The following CDC42SE2 variants were observed in gnomAD, a reference collection of about 807,000 sequenced individuals.
The protein encoded by CDC42SE2 is CDC42 small effector 2.
CDC42SE2 carries 3 observed loss-of-function variants against 11.5 expected under a neutral mutation model. The observed-to-expected ratio is 0.26, with a 90% CI of 0.12 to 0.67. The LOEUF is 0.67. CDC42SE2 is among the 30% of genes least tolerant of loss of function. CDC42SE2 has a pLI of 0.80. For missense variants in CDC42SE2, 82 were observed against 106.8 expected, an observed-to-expected ratio of 0.77 and a Z score of 1.02; for synonymous variants, 33 against 34.8, an observed-to-expected ratio of 0.95 and a Z score of 0.18.
intron 3 of CDC42SE2, among the ~76,000 whole-genome samples, chr5:131,381,358 T>G: frequency 6.6e-6 from 1 of 151,972 alleles, no homozygotes; most frequent in East Asian, 1.9e-4. Context: ...AGTCTCGCTC[T>G]TGTCCCCCAG....
At position 131,329,046 on chromosome 5, in the gene CDC42SE2, A is replaced by C. The variant is rs563703128; in HGVS notation, c.-286+12902A>C. On this transcript the variant is annotated intron_variant, in intron 2 of 4. Coordinates refer to ENST00000505065, the MANE Select transcript of CDC42SE2 (RefSeq NM_001375635.1). ...GGCACAGAGAGGGGCGGGAAGAGTG[A>C]ATGCCAAGAGGATGGCTTATTAGTC... Among the ~76,000 whole-genome samples the C allele has an allele frequency of 1.1e-3, 161 of 152,312 alleles. 3 individuals are homozygous for C. In the South Asian group the frequency reaches 0.033, roughly 31 times the overall value.
intron 4 of CDC42SE2, among the ~76,000 whole-genome samples, chr5:131,389,421 C>A (rs1750585301): frequency 6.6e-6 from 1 of 152,120 alleles, no homozygotes; most frequent in African/African-American, 2.4e-5. Context: ...TATAGCAATA[C>A]CTTATAATGT....
At chr5:131,262,936 A>G (rs910233216), upstream of CDC42SE2, among the ~76,000 whole-genome samples, 1 of 145,670 alleles carries the variant, frequency 6.9e-6, no homozygotes, top group Non-Finnish European at 1.5e-5. Context: ...GAAAAATAGT[A>G]AGGTAGGAAA....
intron 1 of CDC42SE2, among the ~76,000 whole-genome samples, chr5:131,248,687 A>G (rs1406644659): frequency 6.6e-6 from 1 of 152,234 alleles, no homozygotes; most frequent in Non-Finnish European, 1.5e-5. Context: ...GAAAACATAA[A>G]GAGAATAAAC....
chr5:131,383,532 CTA>C (rs1294706339), intron 3 of CDC42SE2, among the ~76,000 whole-genome samples: 1 of 151,998 alleles, frequency 6.6e-6, no homozygotes, highest in Non-Finnish European at 1.5e-5. Flanking sequence ...GAGTGAAAAA[CTA>C]TAATAATACA....
chr5:131,229,504 C>G, the CDC42SE2 span, among the ~76,000 whole-genome samples: 1 of 152,114 alleles, frequency 6.6e-6, no homozygotes, highest in African/African-American at 2.4e-5. Context: ...ATTCTCCCGC[C>G]TCAGCCTCCC....
At chr5:131,299,770 C>T (rs1171787574) in intron 1 of CDC42SE2, among the ~76,000 whole-genome samples, 2 of 152,100 alleles carry the variant, frequency 1.3e-5, no homozygotes, top group Non-Finnish European at 2.9e-5. Context: ...TTGAAATAAC[C>T]TAGGGGAGCA....
At chr5:131,219,462 C>G in the CDC42SE2 span, among the ~76,000 whole-genome samples, 1 of 152,194 alleles carries the variant, frequency 6.6e-6, no homozygotes, top group East Asian at 1.9e-4. Flanking sequence ...CCTTTAAACT[C>G]AAAATAAAGT....
chr5:131,354,684 C>G (rs1004735501), intron 2 of CDC42SE2: 1 of 151,964 alleles, frequency 6.6e-6, no homozygotes, highest in South Asian at 2.1e-4. Context: ...AAGTTTGCAG[C>G]AAATTACCTG....
intron 3 of CDC42SE2, among the ~76,000 whole-genome samples, chr5:131,369,116 C>T (rs1749943136): frequency 6.6e-6 from 1 of 152,048 alleles, no homozygotes. Context: ...ACGATTTTAC[C>T]ATCTATGTAT....
intron 3 of CDC42SE2, among the ~76,000 whole-genome samples, chr5:131,383,191 T>G (rs1201592712): frequency 6.6e-6 from 1 of 152,126 alleles, no homozygotes; most frequent in Non-Finnish European, 1.5e-5. Context: ...AAGTCTGCCA[T>G]TAGGGGCAGG....
chr5:131,273,961 A>G (rs1378877308), intron 1 of CDC42SE2, among the ~76,000 whole-genome samples: 2 of 151,940 alleles, frequency 1.3e-5, no homozygotes, highest in African/African-American at 2.4e-5. Flanking sequence ...GTATTTTTAT[A>G]GAGATGGGTT....
Position 131,391,120 on chromosome 5 carries a change from G to C in CDC42SE2, c.*29G>C. 6.4e-7 allele frequency: 1 copy of C among 1,552,020 alleles called. No individual in the cohort carries two copies. The highest frequency in any genetic ancestry group is 8.9e-7 in the Non-Finnish European group (1 of 1,125,436). ...TGGTCCTTTCTCCAGTGAGTACTCAGAGCTGGGGTCTGGACCTGACGGCCA... is the reference window on the plus strand; with the variant it reads ...TGGTCCTTTCTCCAGTGAGTACTCACAGCTGGGGTCTGGACCTGACGGCCA... On this transcript the variant is annotated 3_prime_UTR_variant, in exon 5 of 5. Coordinates refer to ENST00000505065, the MANE Select transcript of CDC42SE2 (RefSeq NM_001375635.1).
chr5:131,291,669 G>C (rs1371822128), intron 1 of CDC42SE2, among the ~76,000 whole-genome samples: 2 of 152,070 alleles, frequency 1.3e-5, no homozygotes, highest in Admixed American at 1.3e-4. Flanking sequence ...CAAAATACAT[G>C]TAAGATCAAG....
At chr5:131,302,474 C>T (rs1247604937) in intron 1 of CDC42SE2, among the ~76,000 whole-genome samples, 2 of 152,112 alleles carry the variant, frequency 1.3e-5, no homozygotes, top group Admixed American at 1.3e-4. Flanking sequence ...CCACCGTGCC[C>T]AGCCTAATTT....
At chr5:131,386,325 G>C (rs1035818215) in intron 4 of CDC42SE2, among the ~76,000 whole-genome samples, 1 of 152,242 alleles carries the variant, frequency 6.6e-6, no homozygotes, top group African/African-American at 2.4e-5. Context: ...CTCACCTCCT[G>C]TTGTGCAGCC....
rs1758034875 is a variant in CDC42SE2, at chr5:131,316,131, A to G, written c.-299A>G. The G allele has an allele frequency of 6.6e-6, 1 of 152,368 alleles. No homozygotes were observed. The allele number at this position is 152,368 out of a possible 1,614,324, so 9.4% of individuals were successfully genotyped here. ...CAGAAGTAGCTGAATGTGTTACTCC[A>G]TTGCTGAGGAGTGGTAAGTCTGATA... On this transcript the variant is annotated 5_prime_UTR_variant, in exon 2 of 5. Transcript: ENST00000505065.
the CDC42SE2 span, among the ~76,000 whole-genome samples, chr5:131,214,601 C>T: frequency 6.6e-6 from 1 of 152,018 alleles, no homozygotes; most frequent in African/African-American, 2.4e-5. Context: ...TACACAGGAG[C>T]TTTAAATTAG....
chr5:131,343,644 C>T (rs966650693), intron 2 of CDC42SE2, among the ~76,000 whole-genome samples: 13 of 149,962 alleles, frequency 8.7e-5, no homozygotes, highest in East Asian at 2.0e-4. Context: ...ACCCAGGAGG[C>T]GGAGGTTGTG....
Sources: allele counts gnomAD v4.1 joint callset (sites outside exome capture counted in the v4.1 genomes callset), GRCh38; gene constraint gnomAD v4.1.1; transcripts MANE v1.5; gene names NCBI Gene and HGNC (gene_info 2026-07-23, HGNC 2026-07-21).